The following SSBP3 variants were observed in gnomAD, a reference collection of about 807,000 sequenced individuals.
SSBP3 encodes the protein single stranded DNA binding protein 3, also known as single-stranded DNA-binding protein 3.
In SSBP3, 5 loss-of-function variants were observed where a neutral mutation model predicts 69.6. The observed-to-expected ratio is 0.07, with a 90% CI of 0.04 to 0.15. SSBP3 has a LOEUF of 0.15. Among genes scored for constraint, SSBP3 ranks in the 10% least tolerant of loss-of-function variants. The probability of loss-of-function intolerance (pLI) is 1.00; values close to 1 mark genes in which losing one functional copy is unlikely to be tolerated. For synonymous variants in SSBP3, 196 were observed against 193.4 expected (o/e 1.01, Z -0.11); for missense variants, 312 against 534.0 (o/e 0.58, Z 4.10).
At chr1:54,359,774 C>G (rs1222614840) in intron 4 of SSBP3, among the ~76,000 whole-genome samples, 1 of 152,170 alleles carries the variant, frequency 6.6e-6, no homozygotes, top group Non-Finnish European at 1.5e-5. Context: ...AGAAATGGAG[C>G]AGGTGAGCAT....
intron 4 of SSBP3, among the ~76,000 whole-genome samples, chr1:54,331,241 AGT>A (rs1218061333): frequency 6.6e-6 from 1 of 152,152 alleles, no homozygotes; most frequent in African/African-American, 2.4e-5. Context: ...GTATTACAGA[AGT>A]GTGTGCATGC....
intron 4 of SSBP3, among the ~76,000 whole-genome samples, chr1:54,315,711 G>C (rs1646084556): frequency 2.0e-5 from 3 of 151,678 alleles, no homozygotes. Flanking sequence ...ACCCAGGCTG[G>C]GCTGCAGTTC....
intron 5 of SSBP3, among the ~76,000 whole-genome samples, chr1:54,274,951 G>GCCT (rs1265784217): frequency 6.6e-6 from 1 of 151,168 alleles, no homozygotes; most frequent in Admixed American, 6.6e-5. Flanking sequence ...ACTGCCAATT[G>GCCT]CCTCCTCCTC....
intron 14 of SSBP3, among the ~76,000 whole-genome samples, chr1:54,232,095 T>C (rs938921923): frequency 6.6e-6 from 1 of 152,234 alleles, no homozygotes; most frequent in Non-Finnish European, 1.5e-5. Context: ...ATTTATTCTG[T>C]ATTATTTACT....
intron 4 of SSBP3, among the ~76,000 whole-genome samples, chr1:54,308,050 C>T (rs1389992255): frequency 6.6e-6 from 1 of 152,152 alleles, no homozygotes; most frequent in Admixed American, 6.5e-5. Flanking sequence ...GGATTGGGAC[C>T]CCTTTCCTGT....
At chr1:54,283,246 T>C (rs1645428490) in intron 4 of SSBP3, among the ~76,000 whole-genome samples, 1 of 134,798 alleles carries the variant, frequency 7.4e-6, no homozygotes, top group South Asian at 2.3e-4. Flanking sequence ...CCAGCCTGGA[T>C]GACAAAAGCA....
chr1:54,392,773 G>A (rs952614781), intron 4 of SSBP3, among the ~76,000 whole-genome samples: 1 of 152,212 alleles, frequency 6.6e-6, no homozygotes, highest in Non-Finnish European at 1.5e-5. Flanking sequence ...GGCAGAAAGG[G>A]CAAGTAAAGT....
Position 54,316,705 on chromosome 1 carries a change from TAAATAAAATA to T in SSBP3, c.277-35188_277-35179del, listed in dbSNP as rs1215940242. Among the ~76,000 whole-genome samples the T allele has an allele frequency of 9.9e-5, 8 of 80,800 alleles. No individual in the cohort carries two copies. The East Asian group carries it at 9.9e-4, about 10-fold the overall frequency. The allele number at this position is 80,800 out of a possible 152,430, so 53.0% of individuals were successfully genotyped here. ...ATAAATAAATAAATAAATAAATAAA[TAAATAAAATA>T]AAATAAAATAAAATAAAAATGTCTT... On this transcript the variant is annotated intron_variant, in intron 4 of 17. Coordinates refer to ENST00000610401, the Ensembl canonical transcript of SSBP3.
chr1:54,307,193 C>T (rs536669386), intron 4 of SSBP3, among the ~76,000 whole-genome samples: 2 of 152,252 alleles, frequency 1.3e-5, no homozygotes, highest in African/African-American at 4.8e-5. Context: ...AACCAGCTGC[C>T]CCCAGTTATG....
chr1:54,380,148 TG>T (rs1398578106), intron 4 of SSBP3, among the ~76,000 whole-genome samples: 1 of 152,154 alleles, frequency 6.6e-6, no homozygotes, highest in African/African-American at 2.4e-5. Context: ...GCGCCCAAGT[TG>T]GTGGCGGCCT....
intron 4 of SSBP3, among the ~76,000 whole-genome samples, chr1:54,390,935 G>A (rs57443549): frequency 0.018 from 2,743 of 152,362 alleles, 89 homozygotes; most frequent in African/African-American, 0.062. Context: ...GCACACGCCC[G>A]GCACCAGGCC....
chr1:54,316,762 G>A (rs936691595), intron 4 of SSBP3, among the ~76,000 whole-genome samples: 1 of 151,080 alleles, frequency 6.6e-6, no homozygotes, highest in East Asian at 1.9e-4. Flanking sequence ...GCTACTATAA[G>A]AAAATACCTT....
At chr1:54,374,328 G>A (rs1310622844) in intron 4 of SSBP3, among the ~76,000 whole-genome samples, 3 of 152,224 alleles carry the variant, frequency 2.0e-5, no homozygotes, top group African/African-American at 7.2e-5. Context: ...AAGGAGCACA[G>A]GCTCCGGGAA....
chr1:54,240,569 T>C (rs1024156511), intron 13 of SSBP3, among the ~76,000 whole-genome samples: 2 of 150,350 alleles, frequency 1.3e-5, no homozygotes, highest in Admixed American at 6.6e-5. Context: ...AGAATCCTGG[T>C]CCCAGGATGG....
At chr1:54,283,209 A>C (rs1477232102) in intron 4 of SSBP3, among the ~76,000 whole-genome samples, 1 of 151,146 alleles carries the variant, frequency 6.6e-6, no homozygotes, top group African/African-American at 2.4e-5. Context: ...CAGAGGTTGC[A>C]GTGAGCCAAG....
chr1:54,408,117 C>T (rs945198757), upstream of SSBP3, among the ~76,000 whole-genome samples: 3 of 152,138 alleles, frequency 2.0e-5, no homozygotes, highest in African/African-American at 7.2e-5. Context: ...CCTCTGGACT[C>T]ACTCTGCTCC....
chr1:54,239,046 A>C (rs755130856), intron 14 of SSBP3, 83 bp downstream of exon 14: 22 of 1,204,928 alleles, frequency 1.8e-5, no homozygotes, highest in Non-Finnish European at 2.3e-5. Flanking sequence ...GAAATCAATT[A>C]AACTTGCTTT....
intron 4 of SSBP3, among the ~76,000 whole-genome samples, chr1:54,317,138 G>A (rs999509108): frequency 6.6e-6 from 1 of 152,192 alleles, no homozygotes; most frequent in Admixed American, 6.5e-5. Flanking sequence ...TATGTACAAT[G>A]GCAGGGTGGA....
At chr1:54,370,709 G>A (rs185345363) in intron 4 of SSBP3, among the ~76,000 whole-genome samples, 6 of 152,250 alleles carry the variant, frequency 3.9e-5, no homozygotes, top group Admixed American at 3.9e-4. Flanking sequence ...TCCAGTGCAG[G>A]GGATTATTAT....
Sources: gnomAD v4.1 joint callset for allele counts (sites outside exome capture counted in the v4.1 genomes callset) on GRCh38, gnomAD v4.1.1 for gene constraint, MANE v1.5 for transcripts, NCBI Gene and HGNC (gene_info 2026-07-23, HGNC 2026-07-21) for gene names.